Variants in PCCA observed in about 807,000 individuals in gnomAD.
The protein encoded by PCCA is propionyl-CoA carboxylase alpha chain, mitochondrial.
A neutral mutation model predicts 101.3 loss-of-function variants in PCCA; 74 were observed. The observed-to-expected ratio is 0.73, with a 90% CI of 0.61 to 0.89. The LOEUF is 0.89. Ranked by LOEUF, PCCA falls within the 40% of genes least tolerant of loss-of-function variation. The probability of loss-of-function intolerance (pLI) is 0.00; values close to 1 mark genes in which losing one functional copy is unlikely to be tolerated. For synonymous variants in PCCA, 294 were observed against 313.6 expected (o/e 0.94, Z 0.66); for missense variants, 891 against 907.0 (o/e 0.98, Z 0.23).
At chr13:100,381,972 C>G (rs1215482853) in intron 19 of PCCA, among the ~76,000 whole-genome samples, 1 of 152,228 alleles carries the variant, frequency 6.6e-6, no homozygotes, top group African/African-American at 2.4e-5. Context: ...CTCCCAAAGC[C>G]CCAGAGGGCA....
intron 6 of PCCA, among the ~76,000 whole-genome samples, chr13:100,194,798 CT>C (rs1318531888): frequency 6.6e-6 from 1 of 152,128 alleles, no homozygotes; most frequent in Non-Finnish European, 1.5e-5. Flanking sequence ...GCTTTCTGTT[CT>C]TTTTCACTCT....
intron 21 of PCCA, among the ~76,000 whole-genome samples, chr13:100,493,047 G>A (rs541246636): frequency 1.3e-5 from 2 of 152,240 alleles, no homozygotes; most frequent in South Asian, 2.1e-4. Flanking sequence ...CTTATTCTCC[G>A]CTGAGCTGTT....
At chr13:100,506,024 G>A (rs1209966532) in intron 21 of PCCA, among the ~76,000 whole-genome samples, 2 of 152,182 alleles carry the variant, frequency 1.3e-5, no homozygotes, top group Non-Finnish European at 2.9e-5. Flanking sequence ...CTCAAGACCT[G>A]TATTAGCTTG....
intron 20 of PCCA, among the ~76,000 whole-genome samples, chr13:100,446,406 A>C (rs1362312872): frequency 6.6e-6 from 1 of 152,206 alleles, no homozygotes; most frequent in African/African-American, 2.4e-5. Context: ...CTTTCTGCTC[A>C]TTTAGTCGGT....
intron 7 of PCCA, among the ~76,000 whole-genome samples, chr13:100,216,831 G>C (rs567078551): frequency 1.3e-5 from 2 of 152,190 alleles, no homozygotes; most frequent in Admixed American, 1.3e-4. Flanking sequence ...AATTTCATCC[G>C]GGTATGGTGG....
chr13:100,091,571 C>A (rs2046282855), intron 1 of PCCA, among the ~76,000 whole-genome samples: 1 of 152,158 alleles, frequency 6.6e-6, no homozygotes, highest in African/African-American at 2.4e-5. Context: ...GAAATATGCT[C>A]TACTGAGTCT....
chr13:100,443,597 G>A lies in PCCA; in HGVS notation c.1846-5655G>A, dbSNP rs183829690. On this transcript the variant is annotated intron_variant, in intron 20 of 23. Coordinates refer to ENST00000376285, the MANE Select transcript of PCCA (RefSeq NM_000282.4). ...TATAGCTGCTTTTGCAGTTTTTGTC[G>A]TATGAAGCTGAATGCACAGACTTTC... 1.8e-3 allele frequency among the ~76,000 whole-genome samples: 272 copies of A among 151,886 alleles called. 2 individuals are homozygous for A. The highest frequency in any genetic ancestry group is 0.016 in the Admixed American group (242 of 15,270).
rs377299912 is a variant in PCCA at position 100,379,006 on chromosome 13, T to C, written c.1746+10432T>C. 1.1e-3 allele frequency among the ~76,000 whole-genome samples: 165 copies of C among 152,332 alleles called. 6 individuals carry two copies. The South Asian group carries it at 0.031, about 29-fold the overall frequency. On this transcript the variant is annotated intron_variant, in intron 19 of 23. Coordinates refer to ENST00000376285, the MANE Select transcript of PCCA (RefSeq NM_000282.4). ...TATTCCCTTGCTTTTTCATGTTTCC[T>C]GTGTCCTTACGTTGATATTTGAACA... is the stretch of plus-strand genomic sequence containing the variant.
chr13:100,480,621 A>G (rs1299177796), intron 21 of PCCA, among the ~76,000 whole-genome samples: 1 of 152,178 alleles, frequency 6.6e-6, no homozygotes, highest in Non-Finnish European at 1.5e-5. Context: ...GAACCTCTCC[A>G]TGAAACACAC....
chr13:100,386,079 A>T (rs527351070), intron 19 of PCCA, among the ~76,000 whole-genome samples: 1 of 152,358 alleles, frequency 6.6e-6, no homozygotes, highest in South Asian at 2.1e-4. Flanking sequence ...CTTAGAGCAG[A>T]AGACTGGAAA....
At chr13:100,427,072 C>T (rs1008214849) in intron 20 of PCCA, among the ~76,000 whole-genome samples, 5 of 152,118 alleles carry the variant, frequency 3.3e-5, no homozygotes, top group African/African-American at 9.7e-5. Context: ...CAAAAATTAG[C>T]CGGGTGTGGT....
At chr13:100,480,260 C>T (rs188189715) in intron 21 of PCCA, 2 of 152,308 alleles carry the variant, frequency 1.3e-5, no homozygotes, top group East Asian at 1.9e-4. Flanking sequence ...TTTCTACTCA[C>T]CCACATTTAT....
At position 100,257,628 on chromosome 13, in the gene PCCA, G is replaced by A. The variant is rs780140416; in HGVS notation, c.671G>A (p.Gly224Asp). Residue 224 changes from glycine (G) to aspartate (D), a missense_variant, in exon 9 of 24, where the codon GGT becomes GAT. Gly to Asp is a moderately conservative substitution (Grantham distance 94, BLOSUM62 -1). Transcript: ENST00000376285. ...GTCATGATCAAGGCCTCAGCAGGTG[G>A]TGGTGGGAAAGGCATGCGCATTGCT... ...YPVMIKASAG[G>D]GGKGMRIAWD... 6.2e-7 allele frequency: 1 copy of A among 1,613,956 alleles called. No homozygotes were observed. The highest frequency in any genetic ancestry group is 1.7e-5 in the Admixed American group (1 of 60,008).
At chr13:100,353,423 A>G (rs1362657587) in intron 18 of PCCA, among the ~76,000 whole-genome samples, 8 of 152,240 alleles carry the variant, frequency 5.3e-5, no homozygotes, top group Non-Finnish European at 1.0e-4. Flanking sequence ...AATTGAAATC[A>G]TCCAAAGTAT....
At chr13:100,320,054 T>C (rs1030358126) in intron 16 of PCCA, among the ~76,000 whole-genome samples, 4 of 152,200 alleles carry the variant, frequency 2.6e-5, no homozygotes, top group African/African-American at 4.8e-5. Flanking sequence ...CCCTTGTAAG[T>C]TGGATTCCTA....
chr13:100,246,667 T>A (rs140070722), intron 8 of PCCA, among the ~76,000 whole-genome samples: 1 of 152,226 alleles, frequency 6.6e-6, no homozygotes, highest in East Asian at 1.9e-4. Context: ...AAAATAGTTT[T>A]TTATTATTAT....
intron 20 of PCCA, among the ~76,000 whole-genome samples, chr13:100,444,266 G>T (rs906459067): frequency 6.7e-6 from 1 of 148,428 alleles, no homozygotes; most frequent in Non-Finnish European, 1.5e-5. Context: ...CAGTGGTGGT[G>T]CAATCTTGGC....
intron 21 of PCCA, among the ~76,000 whole-genome samples, chr13:100,486,405 A>G (rs2084376089): frequency 6.6e-6 from 1 of 152,238 alleles, no homozygotes; most frequent in Admixed American, 6.5e-5. Flanking sequence ...TGTCCTTTGT[A>G]TTCACAAAAT....
chr13:100,370,813 C>T (rs767239613), intron 19 of PCCA, among the ~76,000 whole-genome samples: 10 of 152,054 alleles, frequency 6.6e-5, no homozygotes, highest in Admixed American at 4.6e-4. Context: ...GGGTCATAGA[C>T]GGGAGAACTG....
Sources: allele counts gnomAD v4.1 joint callset (sites outside exome capture counted in the v4.1 genomes callset), GRCh38; gene constraint gnomAD v4.1.1; transcripts MANE v1.5; gene names NCBI Gene and HGNC (gene_info 2026-07-23, HGNC 2026-07-21).